Variants in DLGAP1 observed in about 807,000 individuals in gnomAD.
DLGAP1 encodes DLG associated protein 1, also known as disks large-associated protein 1.
In DLGAP1, 11 loss-of-function variants were observed where a neutral mutation model predicts 90.8. The observed-to-expected ratio is 0.12, with a 90% CI of 0.08 to 0.20. The LOEUF is 0.20. DLGAP1 is among the 10% of genes least tolerant of loss of function. The pLI, the probability that DLGAP1 is intolerant of heterozygous loss-of-function variation, is 1.00. For missense variants in DLGAP1, 1,050 were observed against 1,333.8 expected (o/e 0.79, Z 3.31); for synonymous variants, 558 against 540.7 (o/e 1.03, Z -0.44).
At chr18:4,089,993 C>A (rs756179316) in intron 2 of DLGAP1, among the ~76,000 whole-genome samples, 1 of 152,036 alleles carries the variant, frequency 6.6e-6, no homozygotes, top group African/African-American at 2.4e-5. Context: ...TGCAGTGAGC[C>A]AAGATCGCGC....
chr18:4,376,918 C>A (rs894970070), intron 1 of DLGAP1, among the ~76,000 whole-genome samples: 2 of 152,256 alleles, frequency 1.3e-5, no homozygotes, highest in East Asian at 3.9e-4. Flanking sequence ...ATTTCCTTGA[C>A]AATGGTTATC....
chr18:3,764,649 G>T (rs1424007634), intron 5 of DLGAP1, among the ~76,000 whole-genome samples: 1 of 152,066 alleles, frequency 6.6e-6, no homozygotes, highest in East Asian at 1.9e-4. Context: ...TTAGAATTTT[G>T]CAAGACTCAT....
chr18:3,832,073 G>A (rs2068059509), intron 4 of DLGAP1, among the ~76,000 whole-genome samples: 2 of 152,192 alleles, frequency 1.3e-5, no homozygotes, highest in African/African-American at 4.8e-5. Flanking sequence ...ACTGTAATGA[G>A]AGAAGAATGC....
chr18:4,109,339 G>A (rs149416822), intron 2 of DLGAP1, among the ~76,000 whole-genome samples: 219 of 152,100 alleles, frequency 1.4e-3, no homozygotes, highest in African/African-American at 5.0e-3. Flanking sequence ...ACATAATTAA[G>A]GGAGTGATAT....
intron 2 of DLGAP1, among the ~76,000 whole-genome samples, chr18:4,102,480 G>A (rs1343006131): frequency 6.6e-6 from 1 of 152,110 alleles, no homozygotes; most frequent in Non-Finnish European, 1.5e-5. Flanking sequence ...TGGATGTAAA[G>A]GAAAAAGCCC....
chr18:3,631,413 T>C (rs1032067931), intron 7 of DLGAP1, among the ~76,000 whole-genome samples: 3 of 152,242 alleles, frequency 2.0e-5, no homozygotes, highest in African/African-American at 7.2e-5. Context: ...CTTTAACTCC[T>C]GACTTCTACT....
At position 4,330,004 on chromosome 18, in the gene DLGAP1, A is replaced by AT. The variant is rs200412769; in HGVS notation, c.-267+125001dup. On this transcript the variant is annotated intron_variant, in intron 1 of 12. Transcript: ENST00000315677. ...CATCAGTGAAGCCACCTGGGTTTGA[A>AT]TTTTTTTTTGATATTTTAAACAATA... is the stretch of plus-strand genomic sequence containing the variant. Among the ~76,000 whole-genome samples the AT allele has an allele frequency of 9.8e-3, 1,485 of 151,554 alleles. 27 individuals carry two copies. The highest frequency in any genetic ancestry group is 0.034 in the African/African-American group (1,417 of 41,412).
At chr18:3,813,992 AC>A in intron 5 of DLGAP1, 66 bp downstream of exon 5, 1 of 1,514,784 alleles carries the variant, frequency 6.6e-7, no homozygotes, top group Middle Eastern at 2.3e-4. Flanking sequence ...TAGGAGACAC[AC>A]CATCTGAGCC....
intron 3 of DLGAP1, among the ~76,000 whole-genome samples, chr18:3,975,379 C>T (rs8099468): frequency 0.47 from 70,785 of 151,750 alleles, 16,813 homozygotes; most frequent in African/African-American, 0.54. Context: ...ATTAGGGCAA[C>T]GCAAATCAAA....
At chr18:4,065,419 A>T (rs1251552544) in intron 2 of DLGAP1, among the ~76,000 whole-genome samples, 1 of 152,110 alleles carries the variant, frequency 6.6e-6, no homozygotes, top group Non-Finnish European at 1.5e-5. Flanking sequence ...ATTTCTAGAA[A>T]ACCCCATAGT....
chr18:4,027,761 A>C (rs958614856), intron 2 of DLGAP1, among the ~76,000 whole-genome samples: 3 of 152,156 alleles, frequency 2.0e-5, no homozygotes, highest in African/African-American at 7.2e-5. Flanking sequence ...GCAAAAACAG[A>C]GAGATAGCAA....
chr18:4,183,437 CTA>C (rs2077241185), intron 1 of DLGAP1, among the ~76,000 whole-genome samples: 1 of 151,792 alleles, frequency 6.6e-6, no homozygotes. Flanking sequence ...TTATTTCTCT[CTA>C]TATATGTCTA....
intron 2 of DLGAP1, among the ~76,000 whole-genome samples, chr18:4,117,374 T>C (rs925719769): frequency 6.6e-6 from 1 of 152,238 alleles, no homozygotes; most frequent in Non-Finnish European, 1.5e-5. Context: ...ACTGGAACTT[T>C]TGCATAATAC....
intron 2 of DLGAP1, among the ~76,000 whole-genome samples, chr18:4,133,397 G>A (rs1474901851): frequency 1.3e-5 from 2 of 152,182 alleles, no homozygotes; most frequent in Admixed American, 6.5e-5. Context: ...ATCTGATCAT[G>A]TGCCTGTTTC....
chr18:4,437,539 G>A (rs749047271), intron 1 of DLGAP1, among the ~76,000 whole-genome samples: 7 of 151,376 alleles, frequency 4.6e-5, no homozygotes, highest in East Asian at 1.9e-4. Flanking sequence ...GTTACACTGC[G>A]TTGTTTAGGG....
At position 3,704,694 on chromosome 18, in the gene DLGAP1, C is replaced by G. The variant is rs183384418; in HGVS notation, c.1591+24441G>C. Among the ~76,000 whole-genome samples the G allele has an allele frequency of 1.2e-4, 18 of 151,878 alleles. No individual in the cohort carries two copies. In the East Asian group the frequency reaches 3.1e-3, roughly 26 times the overall value. ...CTTAAACAACTCTGAATTAAAATGT[C>G]TGAGAGAACACAGTGACTCATGCCT... is the stretch of plus-strand genomic sequence containing the variant. On this transcript the variant is annotated intron_variant, in intron 7 of 12. Coordinates refer to ENST00000315677, the MANE Select transcript of DLGAP1 (RefSeq NM_004746.4).
chr18:3,656,249 T>C, intron 7 of DLGAP1: 1 of 626,462 alleles, frequency 1.6e-6, no homozygotes, highest in Admixed American at 3.6e-5. Context: ...TAAACAAATA[T>C]CAACTTCAAA....
chr18:4,325,430 T>C (rs189986642), intron 1 of DLGAP1, among the ~76,000 whole-genome samples: 24 of 152,186 alleles, frequency 1.6e-4, no homozygotes, highest in Non-Finnish European at 3.4e-4. Flanking sequence ...AATGGCCATA[T>C]GGCCAAAAAC....
chr18:3,907,098 G>T (rs547625527), intron 3 of DLGAP1, among the ~76,000 whole-genome samples: 1 of 152,112 alleles, frequency 6.6e-6, no homozygotes, highest in Non-Finnish European at 1.5e-5. Context: ...AATACTATAC[G>T]ATTTTATATT....
Sources: allele counts gnomAD v4.1 joint callset (sites outside exome capture counted in the v4.1 genomes callset), GRCh38; gene constraint gnomAD v4.1.1; transcripts MANE v1.5; gene names NCBI Gene and HGNC (gene_info 2026-07-23, HGNC 2026-07-21).